The following LINGO2 variants were observed in gnomAD, a reference collection of about 807,000 sequenced individuals.
The protein encoded by LINGO2 is leucine rich repeat and Ig domain containing 2.
Under a neutral mutation model 30.6 loss-of-function variants are expected in LINGO2, and 14 were observed. That is an observed-to-expected ratio of 0.46 (90% CI 0.30 to 0.72). The LOEUF (loss-of-function observed/expected upper bound fraction) is 0.72, where lower values mean the gene tolerates loss of function less well. LINGO2 is among the 30% of genes least tolerant of loss of function. The pLI, the probability that LINGO2 is intolerant of heterozygous loss-of-function variation, is 0.07. For synonymous variants in LINGO2, 317 were observed against 288.5 expected (o/e 1.10, Z -1.00); for missense variants, 729 against 751.7 (o/e 0.97, Z 0.35).
chr9:29,197,658 G>C, the LINGO2 span, among the ~76,000 whole-genome samples: 42 of 152,076 alleles, frequency 2.8e-4, no homozygotes, highest in African/African-American at 9.6e-4. Context: ...AGTGAATACT[G>C]GCTAAGATTA....
chr9:28,281,112 G>A (rs1205247419), intron 4 of LINGO2, among the ~76,000 whole-genome samples: 3 of 152,104 alleles, frequency 2.0e-5, no homozygotes, highest in African/African-American at 7.2e-5. Context: ...CACAGGGAGA[G>A]TTACTGGAAA....
At chr9:28,744,172 C>A in the LINGO2 span, among the ~76,000 whole-genome samples, 1 of 150,176 alleles carries the variant, frequency 6.7e-6, no homozygotes, top group Non-Finnish European at 1.5e-5. Context: ...CTTTTTAATA[C>A]TTTATCTTTG....
chr9:28,651,615 G>A (rs912748293), intron 1 of LINGO2, among the ~76,000 whole-genome samples: 4 of 152,122 alleles, frequency 2.6e-5, no homozygotes, highest in Non-Finnish European at 5.9e-5. Flanking sequence ...ACATAGTTGA[G>A]GCAGGTGAAA....
intron 4 of LINGO2, among the ~76,000 whole-genome samples, chr9:28,209,824 T>A (rs968225394): frequency 1.7e-4 from 26 of 151,718 alleles, no homozygotes; most frequent in South Asian, 6.2e-4. Flanking sequence ...AATGAACACT[T>A]TTCTCAGTGT....
chr9:28,859,037 G>C, the LINGO2 span, among the ~76,000 whole-genome samples: 1 of 151,950 alleles, frequency 6.6e-6, no homozygotes, highest in Non-Finnish European at 1.5e-5. Flanking sequence ...CTGTAAAATG[G>C]AGCAATAATA....
chr9:28,867,397 TA>T, the LINGO2 span, among the ~76,000 whole-genome samples: 1 of 151,254 alleles, frequency 6.6e-6, no homozygotes, highest in East Asian at 1.9e-4. Context: ...AGTCAGGGTA[TA>T]AAAGCAAGTG....
At chr9:28,149,923 G>A (rs1487750965) in intron 4 of LINGO2, among the ~76,000 whole-genome samples, 1 of 151,366 alleles carries the variant, frequency 6.6e-6, no homozygotes, top group East Asian at 2.0e-4. Flanking sequence ...CGTCCTGTCT[G>A]CGAAGTGAGG....
chr9:28,414,523 A>G (rs1822895018), intron 2 of LINGO2, among the ~76,000 whole-genome samples: 2 of 152,134 alleles, frequency 1.3e-5, no homozygotes, highest in South Asian at 4.1e-4. Context: ...CTGTTTTAGA[A>G]GGAGATTAGA....
At chr9:28,977,151 A>T in the LINGO2 span, among the ~76,000 whole-genome samples, 1 of 152,174 alleles carries the variant, frequency 6.6e-6, no homozygotes, top group Admixed American at 6.6e-5. Context: ...TCTGATGAGA[A>T]AAAATTTACA....
the LINGO2 span, chr9:28,863,731 A>G: frequency 2.0e-6 from 1 of 488,008 alleles, no homozygotes; most frequent in Non-Finnish European, 4.4e-6. Context: ...CCTGGTACCT[A>G]TGAACCAACA....
At chr9:29,071,923 T>A in the LINGO2 span, among the ~76,000 whole-genome samples, 1 of 152,106 alleles carries the variant, frequency 6.6e-6, no homozygotes, top group African/African-American at 2.4e-5. Flanking sequence ...AATGATTACA[T>A]GCCTAAAATT....
At chr9:29,053,573 T>C in the LINGO2 span, among the ~76,000 whole-genome samples, 1 of 152,050 alleles carries the variant, frequency 6.6e-6, no homozygotes, top group African/African-American at 2.4e-5. Context: ...ATAATAAAAT[T>C]AAAAGAAAAA....
chr9:28,048,809 C>T (rs953170626), intron 4 of LINGO2, among the ~76,000 whole-genome samples: 2 of 150,238 alleles, frequency 1.3e-5, no homozygotes, highest in Non-Finnish European at 3.0e-5. Context: ...GTTAAAAGTA[C>T]CACAATCGAT....
chr9:29,025,214 G>T, the LINGO2 span, among the ~76,000 whole-genome samples: 1 of 151,780 alleles, frequency 6.6e-6, no homozygotes, highest in East Asian at 1.9e-4. Context: ...GAGAATAGAA[G>T]CAAAATATAT....
the LINGO2 span, among the ~76,000 whole-genome samples, chr9:29,054,784 A>G: frequency 6.6e-6 from 1 of 152,228 alleles, no homozygotes; most frequent in South Asian, 2.1e-4. Context: ...ATATATATTT[A>G]AAATAAATCA....
the LINGO2 span, among the ~76,000 whole-genome samples, chr9:28,849,536 T>C: frequency 6.6e-6 from 1 of 152,140 alleles, no homozygotes; most frequent in Admixed American, 6.6e-5. Context: ...TCTATATCCA[T>C]ATATGGTGGC....
chr9:27,953,480 C>T (rs535467797), intron 5 of LINGO2, among the ~76,000 whole-genome samples: 4 of 152,232 alleles, frequency 2.6e-5, no homozygotes, highest in East Asian at 3.9e-4. Context: ...GTGTCCCCAC[C>T]CAAATCTCAT....
intron 4 of LINGO2, among the ~76,000 whole-genome samples, chr9:28,190,862 T>G (rs1819799477): frequency 6.6e-6 from 1 of 152,148 alleles, no homozygotes; most frequent in South Asian, 2.1e-4. Flanking sequence ...CATCTAAATT[T>G]TAAAGATGAT....
chr9:28,878,086 A>G, the LINGO2 span, among the ~76,000 whole-genome samples: 2 of 152,228 alleles, frequency 1.3e-5, no homozygotes, highest in African/African-American at 2.4e-5. Context: ...TTGATAGACC[A>G]CTAGCAAGAC....
Sources: gnomAD v4.1 joint callset for allele counts (sites outside exome capture counted in the v4.1 genomes callset) on GRCh38, gnomAD v4.1.1 for gene constraint, MANE v1.5 for transcripts, NCBI Gene and HGNC (gene_info 2026-07-23, HGNC 2026-07-21) for gene names.